The following AGMO variants were observed in gnomAD, a reference collection of about 807,000 sequenced individuals.
AGMO encodes the protein glyceryl-ether monooxygenase.
AGMO carries 75 observed loss-of-function variants against 60.2 expected under a neutral mutation model. The observed-to-expected ratio is 1.25, with a 90% CI of 1.03 to 1.51. The LOEUF is 1.51. Ranked by LOEUF, AGMO falls within the 40% of genes most tolerant of loss-of-function variation. AGMO has a pLI of 0.00. For synonymous variants in AGMO, 261 were observed against 177.1 expected (o/e 1.47, Z -3.76); for missense variants, 763 against 525.5 (o/e 1.45, Z -4.42).
At chr7:15,229,996 CAAAATT>C (rs2128499178) in intron 12 of AGMO, among the ~76,000 whole-genome samples, 1 of 151,600 alleles carries the variant, frequency 6.6e-6, no homozygotes, top group East Asian at 1.9e-4. Context: ...TTCATTGAAA[CAAAATT>C]AAAATTATAA....
At chr7:15,300,795 A>C (rs1000726849) in intron 12 of AGMO, among the ~76,000 whole-genome samples, 3 of 152,198 alleles carry the variant, frequency 2.0e-5, no homozygotes, top group African/African-American at 7.2e-5. Flanking sequence ...TTGTCCAAAA[A>C]AAATGACACA....
chr7:15,348,965 G>A (rs1782132265), intron 12 of AGMO, among the ~76,000 whole-genome samples: 1 of 152,078 alleles, frequency 6.6e-6, no homozygotes, highest in South Asian at 2.1e-4. Context: ...AATGCATTTT[G>A]ATTAAACACT....
At chr7:15,463,902 T>C (rs1467639612) in intron 3 of AGMO, among the ~76,000 whole-genome samples, 3 of 152,180 alleles carry the variant, frequency 2.0e-5, no homozygotes, top group Non-Finnish European at 4.4e-5. Flanking sequence ...TTATTTTTAG[T>C]TCTAAGTCTG....
chr7:15,370,942 A>G (rs938107484), intron 10 of AGMO, among the ~76,000 whole-genome samples: 2 of 151,958 alleles, frequency 1.3e-5, no homozygotes, highest in South Asian at 2.1e-4. Context: ...GCTTTTGAGG[A>G]CTTACTCATA....
At chr7:15,225,270 C>T (rs1488485482) in intron 12 of AGMO, among the ~76,000 whole-genome samples, 1 of 151,942 alleles carries the variant, frequency 6.6e-6, no homozygotes, top group Non-Finnish European at 1.5e-5. Flanking sequence ...CCTGAAGTTG[C>T]ATTCCAAATG....
the AGMO span, among the ~76,000 whole-genome samples, chr7:15,151,754 T>A: frequency 7.2e-5 from 11 of 152,126 alleles, no homozygotes; most frequent in Non-Finnish European, 1.3e-4. Context: ...GAATATGTGG[T>A]GTGTGCACAT....
intron 10 of AGMO, among the ~76,000 whole-genome samples, chr7:15,369,515 T>A (rs1170087163): frequency 2.0e-5 from 3 of 152,166 alleles, no homozygotes; most frequent in Admixed American, 1.3e-4. Context: ...TTCCTCTGCT[T>A]GAAATGACTT....
At chr7:15,557,185 T>C (rs1479275355) in intron 2 of AGMO, among the ~76,000 whole-genome samples, 2 of 152,110 alleles carry the variant, frequency 1.3e-5, no homozygotes, top group Admixed American at 6.6e-5. Context: ...ACAACATTTC[T>C]ATTACATGAA....
chr7:15,289,302 A>G (rs142885438), intron 12 of AGMO, among the ~76,000 whole-genome samples: 214 of 150,868 alleles, frequency 1.4e-3, no homozygotes, highest in Non-Finnish European at 2.4e-3. Flanking sequence ...TATAGAATTA[A>G]ATGATAAATT....
intron 10 of AGMO, among the ~76,000 whole-genome samples, chr7:15,371,047 T>C (rs982737833): frequency 6.6e-6 from 1 of 152,108 alleles, no homozygotes; most frequent in African/African-American, 2.4e-5. Flanking sequence ...GGTAGAGGGA[T>C]AGCTGGCTAG....
At chr7:15,543,220 A>T (rs2115277286) in intron 3 of AGMO, among the ~76,000 whole-genome samples, 1 of 152,236 alleles carries the variant, frequency 6.6e-6, no homozygotes, top group Admixed American at 6.5e-5. Context: ...GTTTTTCAAG[A>T]TTAGAACTTC....
intron 12 of AGMO, among the ~76,000 whole-genome samples, chr7:15,214,483 C>T (rs981542808): frequency 2.0e-5 from 3 of 151,930 alleles, no homozygotes; most frequent in African/African-American, 4.8e-5. Context: ...TATATACAAA[C>T]GCTTTATGAC....
chr7:15,463,107 C>G (rs960103276), intron 3 of AGMO, among the ~76,000 whole-genome samples: 2 of 152,080 alleles, frequency 1.3e-5, no homozygotes, highest in African/African-American at 4.8e-5. Context: ...TTCTGAATTA[C>G]TGAGTAAAAT....
chr7:15,328,666 G>A (rs1012153471), intron 12 of AGMO, among the ~76,000 whole-genome samples: 2 of 152,146 alleles, frequency 1.3e-5, no homozygotes, highest in Non-Finnish European at 2.9e-5. Flanking sequence ...TTATTTCAAA[G>A]TAGTCAAACC....
chr7:15,507,614 T>C (rs1470291769), intron 3 of AGMO, among the ~76,000 whole-genome samples: 1 of 152,120 alleles, frequency 6.6e-6, no homozygotes, highest in Admixed American at 6.6e-5. Flanking sequence ...AATTGCAGCG[T>C]CATAACTTTA....
intron 12 of AGMO, among the ~76,000 whole-genome samples, chr7:15,261,020 C>A (rs1472612527): frequency 3.3e-5 from 5 of 151,892 alleles, no homozygotes; most frequent in Non-Finnish European, 7.4e-5. Flanking sequence ...AAAAGCAGAG[C>A]TAAGAGGAAG....
At chr7:15,531,231 ATATATATTCTATATATTCTATATATATTC>A (rs1784330909) in intron 3 of AGMO, among the ~76,000 whole-genome samples, 1 of 85,450 alleles carries the variant, frequency 1.2e-5, no homozygotes, top group Non-Finnish European at 2.0e-5. Flanking sequence ...TATATTCTAT[ATATATATTCTATATATTCTATATATATTC>A]TATATATATT....
At chr7:15,388,595 T>A (rs1368695719) in intron 8 of AGMO, among the ~76,000 whole-genome samples, 1 of 152,180 alleles carries the variant, frequency 6.6e-6, no homozygotes, top group Non-Finnish European at 1.5e-5. Flanking sequence ...TTTCACTTAT[T>A]TATTTCCCAA....
intron 4 of AGMO, among the ~76,000 whole-genome samples, chr7:15,427,056 T>A (rs1781085856): frequency 6.6e-6 from 1 of 152,080 alleles, no homozygotes; most frequent in African/African-American, 2.4e-5. Flanking sequence ...GGGTGATGGG[T>A]TGAGGGATAA....
Sources: allele counts gnomAD v4.1 joint callset (sites outside exome capture counted in the v4.1 genomes callset), GRCh38; gene constraint gnomAD v4.1.1; transcripts MANE v1.5; gene names NCBI Gene and HGNC (gene_info 2026-07-23, HGNC 2026-07-21).